RAB33A: variants seen among roughly 807,000 people sequenced by gnomAD.
RAB33A encodes the protein ras-related protein Rab-33A.
Under a neutral mutation model 12.0 loss-of-function variants are expected in RAB33A, and 6 were observed. The ratio of observed to expected loss-of-function variants is 0.50; its 90% CI spans 0.27 to 0.99. RAB33A has a LOEUF of 0.99. RAB33A is among the 50% of genes least tolerant of loss of function. RAB33A has a pLI of 0.11. For synonymous variants in RAB33A, 70 were observed against 82.4 expected (o/e 0.85, Z 0.81); for missense variants, 109 against 192.0 (o/e 0.57, Z 2.55).
the RAB33A span, among the ~76,000 whole-genome samples, chrX:130,153,308 G>A: frequency 2.5e-4 from 24 of 96,690 alleles, no homozygotes; most frequent in Non-Finnish European, 4.5e-4. Context: ...AGCCGAGATC[G>A]CGCCACTGCA....
chrX:130,114,241 C>T, the RAB33A span, among the ~76,000 whole-genome samples: 6 of 112,186 alleles, frequency 5.3e-5, no homozygotes, highest in South Asian at 3.7e-4. Context: ...CTGCAGCCCA[C>T]GGCTTGTGGG....
At chrX:130,113,271 C>A in the RAB33A span, among the ~76,000 whole-genome samples, 1 of 107,069 alleles carries the variant, frequency 9.3e-6, no homozygotes, top group Non-Finnish European at 1.9e-5. Flanking sequence ...TTAGTAGAGG[C>A]AGGGGTTCAC....
At chrX:130,172,718 T>C (rs209553) in intron 1 of RAB33A, among the ~76,000 whole-genome samples, 58,580 of 110,519 alleles carry the variant, frequency 0.53, 12,519 homozygotes, top group African/African-American at 0.82. Context: ...TCTCTTCTAC[T>C]GCTTGGGTGC....
upstream of RAB33A, among the ~76,000 whole-genome samples, chrX:130,170,437 G>T (rs1386577606): frequency 8.9e-6 from 1 of 112,528 alleles, no homozygotes; most frequent in Non-Finnish European, 1.9e-5. Context: ...ACATGTGTCA[G>T]TGTTACCTTA....
At chrX:130,156,574 G>A in the RAB33A span, 1 of 1,211,801 alleles carries the variant, frequency 8.3e-7, no homozygotes, top group Non-Finnish European at 1.1e-6. Context: ...TGGAGTTCTA[G>A]AGGAACATGC....
At chrX:130,142,950 T>C in the RAB33A span, among the ~76,000 whole-genome samples, 1 of 112,227 alleles carries the variant, frequency 8.9e-6, no homozygotes, top group Non-Finnish European at 1.9e-5. Context: ...TTTACGGTTC[T>C]TTTCTTCCCA....
chrX:130,117,070 C>T, the RAB33A span, among the ~76,000 whole-genome samples: 4 of 111,439 alleles, frequency 3.6e-5, no homozygotes, highest in Non-Finnish European at 7.5e-5. Context: ...AAAAATTAGC[C>T]GGGCGTGGTG....
chrX:130,137,295 C>G, the RAB33A span: 2 of 1,195,174 alleles, frequency 1.7e-6, no homozygotes, highest in South Asian at 1.8e-5. Context: ...CAGGGCAGAG[C>G]TGCAATCCAG....
At chrX:130,152,959 T>G in the RAB33A span, among the ~76,000 whole-genome samples, 1 of 111,336 alleles carries the variant, frequency 9.0e-6, no homozygotes, top group Non-Finnish European at 1.9e-5. Context: ...GCTTTGTTTC[T>G]TTTTATGTAT....
At chrX:130,135,232 C>T in the RAB33A span, among the ~76,000 whole-genome samples, 1 of 108,805 alleles carries the variant, frequency 9.2e-6, no homozygotes, top group African/African-American at 3.4e-5. Flanking sequence ...GATTACAGGC[C>T]TGTGCCACCA....
upstream of RAB33A, among the ~76,000 whole-genome samples, chrX:130,167,098 T>C (rs2031545626): frequency 8.9e-6 from 1 of 112,168 alleles, no homozygotes; most frequent in Admixed American, 9.5e-5. Flanking sequence ...GAGTTGTGTC[T>C]TGAAGGATGA....
At chrX:130,130,038 G>A in the RAB33A span, 1 of 1,211,829 alleles carries the variant, frequency 8.3e-7, no homozygotes, top group Non-Finnish European at 1.1e-6. Flanking sequence ...TTGTCCCTGA[G>A]GTAGAAGATG....
chrX:130,141,243 T>C, the RAB33A span, among the ~76,000 whole-genome samples: 269 of 111,992 alleles, frequency 2.4e-3, 1 homozygote, highest in Admixed American at 2.0e-3. Flanking sequence ...TAAGAAACCA[T>C]ATCCAAGTAA....
In RAB33A at chrX:130,172,291, A is replaced by G; in HGVS notation, c.229A>G (p.Thr77Ala). ...CATCGGCGTGGACTTCAGGGAGAAG[A>G]CCGTGGAAATCGAGGGCGAGAAGAT... is the stretch of plus-strand genomic sequence containing the variant. ...ATIGVDFREK[T>A]VEIEGEKIKV... Residue 77 changes from threonine (T) to alanine (A), a missense_variant, in exon 1 of 2, where the codon ACC (threonine) becomes GCC (alanine). Transcript: ENST00000257017. 1.7e-6 allele frequency: 2 copies of G among 1,209,484 alleles called. No homozygotes were observed. The highest frequency in any genetic ancestry group is 2.2e-6 in the Non-Finnish European group (2 of 893,975).
At chrX:130,118,855 T>C in the RAB33A span, among the ~76,000 whole-genome samples, 1 of 111,480 alleles carries the variant, frequency 9.0e-6, no homozygotes, top group African/African-American at 3.3e-5. Context: ...GTGTGTGGGC[T>C]CAAGTCTTGG....
chrX:130,135,705 G>A, the RAB33A span, among the ~76,000 whole-genome samples: 2 of 111,561 alleles, frequency 1.8e-5, no homozygotes, highest in Non-Finnish European at 3.8e-5. Context: ...TCCATCCTCC[G>A]GATTCAAGTT....
the RAB33A span, among the ~76,000 whole-genome samples, chrX:130,114,864 C>A: frequency 8.9e-6 from 1 of 112,059 alleles, no homozygotes; most frequent in East Asian, 2.8e-4. Flanking sequence ...TGCAGTGGTA[C>A]AATCATAGCT....
the RAB33A span, among the ~76,000 whole-genome samples, chrX:130,166,174 A>G: frequency 1.8e-5 from 2 of 111,608 alleles, no homozygotes; most frequent in Non-Finnish European, 3.8e-5. Context: ...CTTGATACCG[A>G]AGCCTTCCTG....
the RAB33A span, chrX:130,130,085 T>C: frequency 4.1e-6 from 5 of 1,211,980 alleles, no homozygotes; most frequent in Non-Finnish European, 5.6e-6. Flanking sequence ...GACGGGAGCC[T>C]GTGGAACTGC....
Sources: gnomAD v4.1 joint callset for allele counts (sites outside exome capture counted in the v4.1 genomes callset) on GRCh38, gnomAD v4.1.1 for gene constraint, MANE v1.5 for transcripts, NCBI Gene and HGNC (gene_info 2026-07-23, HGNC 2026-07-21) for gene names.